DLGAP2: variants seen among roughly 807,000 people sequenced by gnomAD.
The protein encoded by DLGAP2 is DLG associated protein 2.
DLGAP2 carries 26 observed loss-of-function variants against 100.3 expected under a neutral mutation model. That is an observed-to-expected ratio of 0.26 (90% confidence interval 0.19 to 0.36). The LOEUF (loss-of-function observed/expected upper bound fraction) is 0.36. DLGAP2 is among the 10% of genes least tolerant of loss of function. The pLI, the probability that DLGAP2 is intolerant of heterozygous loss-of-function variation, is 1.00. For synonymous variants in DLGAP2, 886 were observed against 630.1 expected (o/e 1.41, Z -6.08); for missense variants, 1,858 against 1,453.2 (o/e 1.28, Z -4.53).
chr8:1,330,301 A>G (rs1368140735), intron 3 of DLGAP2, among the ~76,000 whole-genome samples: 1 of 126,306 alleles, frequency 7.9e-6, no homozygotes, highest in Admixed American at 8.6e-5. Flanking sequence ...TGGGAGCACT[A>G]CTTCACAGGG....
chr8:1,261,341 C>T (rs1402051515), intron 3 of DLGAP2, among the ~76,000 whole-genome samples: 3 of 147,348 alleles, frequency 2.0e-5, no homozygotes, highest in South Asian at 2.2e-4. Context: ...ATATTTAAAG[C>T]GAGACAGACT....
Position 1,658,685 on chromosome 8 carries a change from T to G in DLGAP2, c.1811-9644T>G, listed in dbSNP as rs556673533. ...GTTTGTATTTCTGTGGGATCAGTGG[T>G]GATATCCCCCTTAACATATTTTATT... On this transcript the variant is annotated intron_variant, in intron 8 of 14. Coordinates refer to ENST00000637795, the MANE Select transcript of DLGAP2 (RefSeq NM_001346810.2). 5.8e-4 allele frequency among the ~76,000 whole-genome samples: 88 copies of G among 152,316 alleles called. 1 individual carries two copies. Among genetic ancestry groups the G allele is most frequent in the African/African-American group, 1.9e-3 (80 of 41,576 alleles).
chr8:1,320,034 T>TG (rs1248008968), intron 3 of DLGAP2, among the ~76,000 whole-genome samples: 1 of 151,996 alleles, frequency 6.6e-6, no homozygotes, highest in Non-Finnish European at 1.5e-5. Context: ...CGAAAGGTGT[T>TG]GCGGCCTCTG....
At chr8:867,041 C>T (rs750674289) in intron 1 of DLGAP2, among the ~76,000 whole-genome samples, 7 of 152,202 alleles carry the variant, frequency 4.6e-5, no homozygotes, top group East Asian at 1.9e-4. Flanking sequence ...TCCAGGTTTC[C>T]GCCGTTCTGT....
chr8:1,325,499 A>G (rs920917162), intron 3 of DLGAP2, among the ~76,000 whole-genome samples: 1 of 152,160 alleles, frequency 6.6e-6, no homozygotes, highest in Non-Finnish European at 1.5e-5. Flanking sequence ...TGCTCGGCGG[A>G]TTTATCTGTA....
chr8:749,343 T>G (rs1820733251), intron 1 of DLGAP2, among the ~76,000 whole-genome samples: 1 of 152,254 alleles, frequency 6.6e-6, no homozygotes, highest in South Asian at 2.1e-4. Flanking sequence ...AGAAGCTAAT[T>G]AATATATTAC....
intron 6 of DLGAP2, among the ~76,000 whole-genome samples, chr8:1,603,272 C>G (rs1584980586): frequency 6.8e-6 from 1 of 146,822 alleles, no homozygotes; most frequent in Non-Finnish European, 1.5e-5. Context: ...GGCTGGGTCT[C>G]AGTTCTGTAG....
At chr8:1,551,938 A>C (rs563019650) in intron 5 of DLGAP2, among the ~76,000 whole-genome samples, 169 of 152,268 alleles carry the variant, frequency 1.1e-3, no homozygotes, top group Admixed American at 3.6e-3. Flanking sequence ...GCAGCTGCTG[A>C]TGAGCCTCTT....
intron 2 of DLGAP2, among the ~76,000 whole-genome samples, chr8:1,001,682 C>T (rs1313560317): frequency 6.8e-6 from 1 of 147,624 alleles, no homozygotes; most frequent in African/African-American, 2.7e-5. Context: ...ATAGAAGTTG[C>T]CAAGTCCCAT....
intron 2 of DLGAP2, among the ~76,000 whole-genome samples, chr8:1,006,938 G>A (rs1000607405): frequency 6.6e-6 from 1 of 150,886 alleles, no homozygotes. Context: ...GTCTCGGGAT[G>A]TGGTCCTTTA....
At chr8:801,041 C>G (rs769988431) in intron 1 of DLGAP2, among the ~76,000 whole-genome samples, 1 of 148,032 alleles carries the variant, frequency 6.8e-6, no homozygotes, top group South Asian at 2.2e-4. Flanking sequence ...GCTCATGAAT[C>G]CTGTTGATAT....
chr8:1,620,216 C>T (rs962142335), intron 6 of DLGAP2, among the ~76,000 whole-genome samples: 8 of 152,190 alleles, frequency 5.3e-5, no homozygotes, highest in Admixed American at 5.2e-4. Flanking sequence ...ATGACCCCAG[C>T]TTGCTGCATC....
intron 3 of DLGAP2, among the ~76,000 whole-genome samples, chr8:1,434,783 C>T (rs1797567580): frequency 6.6e-6 from 1 of 152,152 alleles, no homozygotes; most frequent in Admixed American, 6.5e-5. Flanking sequence ...CCGTCATTGG[C>T]ATTTTGAGAA....
At chr8:739,901 A>G (rs575886226) in intron 1 of DLGAP2, 2 of 152,364 alleles carry the variant, frequency 1.3e-5, no homozygotes, top group African/African-American at 4.8e-5. Flanking sequence ...CCGAGGTGAC[A>G]CAGAGCCGGC....
chr8:1,606,541 A>G (rs998231490), intron 6 of DLGAP2, among the ~76,000 whole-genome samples: 1 of 152,170 alleles, frequency 6.6e-6, no homozygotes, highest in Admixed American at 6.5e-5. Flanking sequence ...ACATTGCAGC[A>G]TGTGTCAGAA....
intron 2 of DLGAP2, among the ~76,000 whole-genome samples, chr8:1,193,070 C>G (rs1797673851): frequency 6.6e-6 from 1 of 152,082 alleles, no homozygotes; most frequent in Non-Finnish European, 1.5e-5. Flanking sequence ...TCCAGTCTAT[C>G]ATTGTTGGAC....
chr8:1,407,996 TA>T (rs956108020), intron 3 of DLGAP2, among the ~76,000 whole-genome samples: 2 of 152,218 alleles, frequency 1.3e-5, no homozygotes, highest in African/African-American at 4.8e-5. Context: ...ACAGCATGTT[TA>T]ACAGCATCGC....
chr8:1,502,569 T>C (rs966502286), intron 4 of DLGAP2, among the ~76,000 whole-genome samples: 4 of 152,218 alleles, frequency 2.6e-5, no homozygotes, highest in Admixed American at 1.3e-4. Flanking sequence ...CACTCGGAAA[T>C]AGACGAGTGA....
At chr8:1,202,296 A>ATGTGTGTG (rs35325269) in intron 2 of DLGAP2, among the ~76,000 whole-genome samples, 1,625 of 149,430 alleles carry the variant, frequency 0.011, 32 homozygotes, top group African/African-American at 0.038. Flanking sequence ...TATGTAGTAT[A>ATGTGTGTG]TGTGTGTGTG....
Sources: gnomAD v4.1 joint callset for allele counts (sites outside exome capture counted in the v4.1 genomes callset) on GRCh38, gnomAD v4.1.1 for gene constraint, MANE v1.5 for transcripts, NCBI Gene and HGNC (gene_info 2026-07-23, HGNC 2026-07-21) for gene names.